Variants in FBXO32 observed in about 807,000 individuals in gnomAD.
FBXO32 encodes F-box protein 32, also known as F-box only protein 32.
FBXO32 carries 15 observed loss-of-function variants against 48.3 expected under a neutral mutation model. The observed-to-expected ratio is 0.31, with a 90% CI of 0.21 to 0.48. The LOEUF is 0.48. Among genes scored for constraint, FBXO32 ranks in the 20% least tolerant of loss-of-function variants. The pLI, the probability that FBXO32 is intolerant of heterozygous loss-of-function variation, is 0.99. For missense variants in FBXO32, 309 were observed against 432.7 expected (o/e 0.71, Z 2.54); for synonymous variants, 154 against 165.9 (o/e 0.93, Z 0.55).
intron 4 of FBXO32, among the ~76,000 whole-genome samples, chr8:123,529,557 T>G (rs755387765): frequency 1.3e-5 from 2 of 152,204 alleles, no homozygotes; most frequent in Non-Finnish European, 2.9e-5. Flanking sequence ...TTGAAATCAG[T>G]GGAGCTAGGA....
chr8:123,532,180 C>T, intron 3 of FBXO32, 190 bp from the exon 4 acceptor site: 2 of 1,365,386 alleles, frequency 1.5e-6, no homozygotes, highest in Non-Finnish European at 1.9e-6. Context: ...GGTAACACAG[C>T]CAGCAGCTGC....
rs552030808 is a variant in FBXO32, at chr8:123,525,241, G to A, written c.372+6657C>T. On this transcript the variant is annotated intron_variant, in intron 4 of 8. Coordinates refer to ENST00000517956, the MANE Select transcript of FBXO32 (RefSeq NM_058229.4). The surrounding 1 kb of genome is among the most constrained non-coding windows in gnomAD (Gnocchi z 4.3). ...ATTCAAATGCACTTAGGGTGGTAAC[G>A]CAGAAAAAAATAAGAATGTGCATCA... Among the ~76,000 whole-genome samples the A allele has an allele frequency of 1.2e-4, 18 of 152,176 alleles. No individual in the cohort carries two copies. The highest frequency in any genetic ancestry group is 2.2e-4 in the Non-Finnish European group (15 of 68,020).
At position 123,506,295 on chromosome 8, in the gene FBXO32, G is replaced by C; in HGVS notation, c.834+97C>G. On this transcript the variant is annotated intron_variant, in intron 7 of 8. Coordinates refer to ENST00000517956, the MANE Select transcript of FBXO32 (RefSeq NM_058229.4). This position sits in a 1 kb window ranked among gnomAD's most constrained non-coding sequence, Gnocchi z 4.0. ...GTCAAACCAGGGAACCTGGAATAGG[G>C]GGAACCCAGACCTCAGGCTTGAGCA... 1 of 1,346,196 alleles carries C rather than the reference G, an allele frequency of 7.4e-7. No individual in the cohort carries two copies. The highest frequency in any genetic ancestry group is 1.3e-5 in the South Asian group (1 of 78,642). The allele number at this position is 1,346,196 out of a possible 1,614,324, so 83.4% of individuals were successfully genotyped here. A position where few individuals can be genotyped will look rare whatever the true frequency, so the allele number is the denominator to read the frequency against.
rs893433090 is a variant in FBXO32, at chr8:123,541,188, T to G, written c.-174A>C. Reference sequence around the variant, plus strand: ...CGGGCGCGGAGAGGATCTCAAGCGTTGCAGGCTCCGGGAGTGCTGCGCGGC... The same window carrying G: ...CGGGCGCGGAGAGGATCTCAAGCGTGGCAGGCTCCGGGAGTGCTGCGCGGC... On this transcript the variant is annotated 5_prime_UTR_variant, in exon 1 of 9. Coordinates refer to ENST00000517956, the MANE Select transcript of FBXO32 (RefSeq NM_058229.4). The G allele has an allele frequency of 4.5e-5, 17 of 380,562 alleles. No individual in the cohort carries two copies. The highest frequency in any genetic ancestry group is 6.5e-5 in the Non-Finnish European group (14 of 216,120). 23.6% of individuals were successfully genotyped at this position (380,562 alleles called of 1,614,324 possible).
intron 4 of FBXO32, among the ~76,000 whole-genome samples, chr8:123,514,983 C>T (rs1220345090): frequency 1.3e-5 from 2 of 152,156 alleles, no homozygotes; most frequent in Non-Finnish European, 2.9e-5. Context: ...TAGCTCTTGG[C>T]CTTAGATTCA....
chr8:123,538,457 G>T (rs1817351677), intron 1 of FBXO32, among the ~76,000 whole-genome samples: 1 of 152,162 alleles, frequency 6.6e-6, no homozygotes. Flanking sequence ...TAACAGGAGA[G>T]GCATTCAGCT....
intron 4 of FBXO32, among the ~76,000 whole-genome samples, chr8:123,528,477 A>G (rs1817133580): frequency 6.6e-6 from 1 of 152,180 alleles, no homozygotes; most frequent in Non-Finnish European, 1.5e-5. Context: ...TCCTTCCACA[A>G]GTAGGTAAGT....
At position 123,497,930 on chromosome 8, in the gene FBXO32, T is replaced by A. The variant is rs1251743561; in HGVS notation, c.*5443A>T. ...TTTATTGCAATTCAGTGTCAAAAGTTTTTTACAAAAATATGCCACCGTCTG... is the reference window on the plus strand; with the variant it reads ...TTTATTGCAATTCAGTGTCAAAAGTATTTTACAAAAATATGCCACCGTCTG... On this transcript the variant is annotated 3_prime_UTR_variant, in exon 9 of 9. Transcript: ENST00000517956. 1 of 152,192 alleles carries A rather than the reference T, an allele frequency of 6.6e-6. No homozygotes were observed. Among genetic ancestry groups the A allele is most frequent in the African/African-American group, 2.4e-5 (1 of 41,438 alleles). 9.4% of individuals were successfully genotyped at this position (152,192 alleles called of 1,614,324 possible).
intron 4 of FBXO32, among the ~76,000 whole-genome samples, chr8:123,529,040 A>G (rs10086151): frequency 0.67 from 101,176 of 152,030 alleles, 35,015 homozygotes; most frequent in African/African-American, 0.87. Context: ...CTCAAAACAC[A>G]GTGGCTATCA....
rs1817391641 is a variant in FBXO32 at position 123,540,587 on chromosome 8, ATTAAGT to A, written c.116+306_116+311del. On this transcript the variant is annotated intron_variant, in intron 1 of 8. Transcript: ENST00000517956. This position sits in a 1 kb window ranked among gnomAD's most constrained non-coding sequence, Gnocchi z 6.4. Reference sequence around the variant, plus strand: ...AAGCAGGGACCACTAAAGCTGTGTGATTAAGTTTGAGCGAACGTTTGGGGACACGAT... The same window carrying A: ...AAGCAGGGACCACTAAAGCTGTGTGATTGAGCGAACGTTTGGGGACACGAT... 6.6e-6 allele frequency among the ~76,000 whole-genome samples: 1 copy of A among 152,230 alleles called. No homozygotes were observed. Among genetic ancestry groups the A allele is most frequent in the Non-Finnish European group, 1.5e-5 (1 of 68,042 alleles).
At chr8:123,534,122 CA>C (rs74355915) in intron 2 of FBXO32, among the ~76,000 whole-genome samples, 3,845 of 132,616 alleles carry the variant, frequency 0.029, 140 homozygotes, top group African/African-American at 0.088. Context: ...CAAAAAACAC[CA>C]AAAAAAAAAA....
intron 4 of FBXO32, among the ~76,000 whole-genome samples, chr8:123,524,418 C>T (rs1359949624): frequency 6.6e-6 from 1 of 152,200 alleles, no homozygotes; most frequent in Non-Finnish European, 1.5e-5. Flanking sequence ...CATTGAAGGG[C>T]CCACCCTGTA....
Position 123,534,208 on chromosome 8 carries a change from A to C in FBXO32, c.229+494T>G, listed in dbSNP as rs1817268686. On this transcript the variant is annotated intron_variant, in intron 2 of 8. Transcript: ENST00000517956. ...AACTTACATAAGTCCATGAAAATCA[A>C]ACAGATAACATGAGGAAAACATGCA... Among the ~76,000 whole-genome samples, 3 of 152,182 alleles carry C rather than the reference A, an allele frequency of 2.0e-5. No homozygotes were observed. In the South Asian group the frequency reaches 6.2e-4, roughly 31 times the overall value.
intron 4 of FBXO32, among the ~76,000 whole-genome samples, chr8:123,523,898 A>G (rs1030472956): frequency 2.6e-5 from 4 of 152,204 alleles, no homozygotes; most frequent in African/African-American, 9.6e-5. Flanking sequence ...CAACCATTAC[A>G]CTCCTTGAAT....
intron 6 of FBXO32, among the ~76,000 whole-genome samples, chr8:123,510,374 G>A (rs1461207892): frequency 6.6e-6 from 1 of 152,204 alleles, no homozygotes; most frequent in African/African-American, 2.4e-5. Flanking sequence ...CACTTTGGGA[G>A]GCTGAGACAG....
At chr8:123,522,495 C>A (rs1322664584) in intron 4 of FBXO32, among the ~76,000 whole-genome samples, 1 of 152,058 alleles carries the variant, frequency 6.6e-6, no homozygotes, top group African/African-American at 2.4e-5. Flanking sequence ...AGGTGTGAGC[C>A]CCCACACCTG....
intron 4 of FBXO32, among the ~76,000 whole-genome samples, chr8:123,530,874 C>G (rs1453547657): frequency 6.6e-6 from 1 of 151,746 alleles, no homozygotes; most frequent in Non-Finnish European, 1.5e-5. Flanking sequence ...GTCTTAGCCT[C>G]CCAAAGTGCT....
Position 123,506,490 on chromosome 8 carries a change from G to A in FBXO32, c.736C>T (p.Leu246=). ...IMQRLSDGRD[L]VSLGQAAPDL... ...GGGGCAGCCTGGCCCAGGCTGACCA[G>A]GTCCCGCCCGTCGCTCAGCCTCTGC... Residue 246 remains leucine, a synonymous_variant, in exon 7 of 9, where the codon CTG becomes TTG. Transcript: ENST00000517956. This position sits in a 1 kb window ranked among gnomAD's most constrained non-coding sequence, Gnocchi z 4.0. 6.2e-7 allele frequency: 1 copy of A among 1,614,080 alleles called. No individual in the cohort carries two copies. Among genetic ancestry groups the A allele is most frequent in the Non-Finnish European group, 8.5e-7 (1 of 1,179,978 alleles).
intron 4 of FBXO32, among the ~76,000 whole-genome samples, chr8:123,514,928 A>T (rs1816807316): frequency 6.6e-6 from 1 of 152,228 alleles, no homozygotes; most frequent in South Asian, 2.1e-4. Flanking sequence ...AAATTCAGGG[A>T]TGTATTTTAT....
Sources: allele counts gnomAD v4.1 joint callset (sites outside exome capture counted in the v4.1 genomes callset), GRCh38; gene constraint gnomAD v4.1.1; non-coding constraint Gnocchi (gnomAD v3.1); transcripts MANE v1.5; gene names NCBI Gene and HGNC (gene_info 2026-07-23, HGNC 2026-07-21).